The following TBC1D8 variants were observed in gnomAD, a reference collection of about 807,000 sequenced individuals.
TBC1D8 encodes the protein BUB2-like protein 1.
A neutral mutation model predicts 118.8 loss-of-function variants in TBC1D8; 65 were observed. The observed-to-expected ratio is 0.55, with a 90% confidence interval of 0.45 to 0.67. The LOEUF is 0.67. Ranked by LOEUF, TBC1D8 falls within the 30% of genes least tolerant of loss-of-function variation. TBC1D8 has a pLI of 0.00. For missense variants in TBC1D8, 1,376 were observed against 1,471.2 expected, an observed-to-expected ratio of 0.94 and a Z score of 1.06; for synonymous variants, 566 against 595.8, an observed-to-expected ratio of 0.95 and a Z score of 0.73.
At chr2:101,108,745 G>T (rs1259550392) in intron 1 of TBC1D8, among the ~76,000 whole-genome samples, 1 of 141,400 alleles carries the variant, frequency 7.1e-6, no homozygotes, top group African/African-American at 2.5e-5. Context: ...ATTACTCCAG[G>T]ATAATCTCCC....
intron 1 of TBC1D8, among the ~76,000 whole-genome samples, chr2:101,135,094 C>T (rs1678788578): frequency 6.6e-6 from 1 of 152,292 alleles, no homozygotes; most frequent in South Asian, 2.1e-4. Flanking sequence ...ATGGCATGAA[C>T]CCGGGAGGCA....
intron 7 of TBC1D8, 107 bp from the exon 8 acceptor site, chr2:101,037,815 G>C: frequency 7.4e-7 from 1 of 1,343,108 alleles, no homozygotes; most frequent in Non-Finnish European, 1.0e-6. Flanking sequence ...GGGCATAGCA[G>C]ACTTCAATGA....
intron 1 of TBC1D8, among the ~76,000 whole-genome samples, chr2:101,093,971 C>T (rs1380742430): frequency 4.6e-5 from 7 of 152,100 alleles, no homozygotes; most frequent in African/African-American, 1.4e-4. Context: ...GCTGGGATTA[C>T]AGGCGTGAGC....
At chr2:101,109,950 T>C (rs2105478156) in intron 1 of TBC1D8, 1 of 985,470 alleles carries the variant, frequency 1.0e-6, no homozygotes, top group Admixed American at 6.1e-5. Context: ...CGCCACCTCG[T>C]GCATCCTGCT....
intron 2 of TBC1D8, among the ~76,000 whole-genome samples, chr2:101,088,369 A>G (rs1675780144): frequency 6.6e-6 from 1 of 151,574 alleles, no homozygotes; most frequent in Non-Finnish European, 1.5e-5. Flanking sequence ...ATCTCGGCTC[A>G]CTACAACCTC....
chr2:101,008,030 C>T lies in TBC1D8; in HGVS notation c.3259G>A (p.Ala1087Thr). The T allele has an allele frequency of 6.2e-7, 1 of 1,613,910 alleles. No individual in the cohort carries two copies. Among genetic ancestry groups the T allele is most frequent in the Non-Finnish European group, 8.5e-7 (1 of 1,179,862 alleles). The change falls in exon 20 of 20, where the codon GCA (alanine) becomes ACA (threonine). Residue 1087 changes from alanine (A) to threonine (T), a missense_variant. Coordinates refer to ENST00000409318, the MANE Select transcript of TBC1D8 (RefSeq NM_001330348.2). ...DTGKTPQDSQ[A>T]FPEAAERDWT... ...TCCCTTTCTGCCGCCTCTGGAAATGCCTGGGAGTCCTGGGGCGTCTTCCCA... is the reference window on the plus strand; with the variant it reads ...TCCCTTTCTGCCGCCTCTGGAAATGTCTGGGAGTCCTGGGGCGTCTTCCCA...
intron 1 of TBC1D8, among the ~76,000 whole-genome samples, chr2:101,109,610 A>T (rs75471375): frequency 4.0e-5 from 6 of 149,290 alleles, no homozygotes; most frequent in Non-Finnish European, 7.5e-5. Flanking sequence ...GCAGGGTCAT[A>T]AAAAAAAAAT....
intron 2 of TBC1D8, among the ~76,000 whole-genome samples, chr2:101,062,497 G>T (rs1008786832): frequency 6.6e-6 from 1 of 152,182 alleles, no homozygotes; most frequent in African/African-American, 2.4e-5. Context: ...CTATCTCACA[G>T]ATCTGTGATG....
Position 101,025,252 on chromosome 2 carries a change from G to A in TBC1D8, c.2520+2131C>T, listed in dbSNP as rs985245344. On this transcript the variant is annotated intron_variant, in intron 15 of 19. Coordinates refer to ENST00000409318, the MANE Select transcript of TBC1D8 (RefSeq NM_001330348.2). ...TTTTATTTATTTATTTTGAGACGGA[G>A]TTTCACTGTGTTGCCAGGGCTGGAG... Among the ~76,000 whole-genome samples, 64 of 151,740 alleles carry A rather than the reference G, an allele frequency of 4.2e-4. 1 individual carries two copies. The highest frequency in any genetic ancestry group is 1.5e-3 in the African/African-American group (60 of 41,294).
intron 2 of TBC1D8, among the ~76,000 whole-genome samples, chr2:101,060,609 C>T (rs994446438): frequency 6.6e-6 from 1 of 152,130 alleles, no homozygotes; most frequent in Non-Finnish European, 1.5e-5. Context: ...CCTCTCTATT[C>T]TCATCATCTC....
chr2:101,011,255 G>A, intron 18 of TBC1D8, 196 bp downstream of exon 18: 1 of 692,366 alleles, frequency 1.4e-6, no homozygotes, highest in Middle Eastern at 4.1e-4. Flanking sequence ...ACTTGGTGGT[G>A]GGGGCAAGGG....
chr2:101,117,718 C>A (rs1395986949), intron 1 of TBC1D8, among the ~76,000 whole-genome samples: 1 of 151,554 alleles, frequency 6.6e-6, no homozygotes, highest in Non-Finnish European at 1.5e-5. Flanking sequence ...GGACTACAGG[C>A]GCCCGCCACC....
intron 1 of TBC1D8, among the ~76,000 whole-genome samples, chr2:101,101,897 G>T (rs2105469757): frequency 6.6e-6 from 1 of 152,166 alleles, no homozygotes; most frequent in Middle Eastern, 3.4e-3. Flanking sequence ...GCCTGTTGGG[G>T]GGTAGGGGGT....
At chr2:101,145,228 T>C (rs911781154) in intron 1 of TBC1D8, among the ~76,000 whole-genome samples, 1 of 152,246 alleles carries the variant, frequency 6.6e-6, no homozygotes, top group Non-Finnish European at 1.5e-5. Context: ...TATTATGCTC[T>C]CACTAAATGC....
chr2:101,146,075 T>C (rs532148260), intron 1 of TBC1D8, among the ~76,000 whole-genome samples: 50 of 152,338 alleles, frequency 3.3e-4, no homozygotes, highest in African/African-American at 1.2e-3. Flanking sequence ...CTAAGCCTTA[T>C]TTTAATCATA....
intron 1 of TBC1D8, among the ~76,000 whole-genome samples, chr2:101,147,168 T>C (rs758087204): frequency 7.9e-5 from 12 of 152,132 alleles, no homozygotes; most frequent in Non-Finnish European, 1.0e-4. Context: ...TTTCGTATAG[T>C]TGAATAGTGT....
chr2:101,079,926 T>A (rs552564376), intron 2 of TBC1D8, among the ~76,000 whole-genome samples: 3 of 152,104 alleles, frequency 2.0e-5, no homozygotes, highest in South Asian at 2.1e-4. Flanking sequence ...GACCTCATGA[T>A]CCGCCTGCTT....
chr2:101,110,614 T>C (rs1385323855), intron 1 of TBC1D8, among the ~76,000 whole-genome samples: 2 of 152,162 alleles, frequency 1.3e-5, no homozygotes, highest in African/African-American at 2.4e-5. Flanking sequence ...TAGATAGCTG[T>C]CTTCATGCTA....
intron 1 of TBC1D8, among the ~76,000 whole-genome samples, chr2:101,140,331 C>T (rs893109166): frequency 6.6e-6 from 1 of 152,122 alleles, no homozygotes; most frequent in African/African-American, 2.4e-5. Context: ...AAATTTAAAA[C>T]ATTTCTGAAA....
Sources: gnomAD v4.1 joint callset for allele counts (sites outside exome capture counted in the v4.1 genomes callset) on GRCh38, gnomAD v4.1.1 for gene constraint, MANE v1.5 for transcripts, NCBI Gene and HGNC (gene_info 2026-07-23, HGNC 2026-07-21) for gene names.